Variants in GRIA2 observed in about 807,000 individuals in gnomAD.
GRIA2 encodes the protein glutamate receptor 2.
Under a neutral mutation model 97.3 loss-of-function variants are expected in GRIA2, and 14 were observed. The observed-to-expected ratio is 0.14, with a 90% CI of 0.10 to 0.23. The LOEUF is 0.23. GRIA2 is among the 10% of genes least tolerant of loss of function. The probability of loss-of-function intolerance (pLI) is 1.00; values close to 1 mark genes in which losing one functional copy is unlikely to be tolerated. For missense variants in GRIA2, 558 were observed against 1,069.8 expected, an observed-to-expected ratio of 0.52 and a Z score of 6.67; for synonymous variants, 412 against 387.8, an observed-to-expected ratio of 1.06 and a Z score of -0.73.
intron 6 of GRIA2, among the ~76,000 whole-genome samples, chr4:157,322,529 A>T (rs1166291615): frequency 6.6e-6 from 1 of 152,176 alleles, no homozygotes; most frequent in Non-Finnish European, 1.5e-5. Context: ...GGGTATACAC[A>T]TGCGTGCATG....
At chr4:157,352,903 A>G (rs1344913526) in intron 12 of GRIA2, among the ~76,000 whole-genome samples, 1 of 151,882 alleles carries the variant, frequency 6.6e-6, no homozygotes, top group African/African-American at 2.4e-5. Flanking sequence ...TACTAAAAAC[A>G]CAAAAATTAG....
chr4:157,361,865 A>G lies in GRIA2; in HGVS notation c.2406+741A>G, dbSNP rs1025271430. Among the ~76,000 whole-genome samples the G allele has an allele frequency of 2.1e-4, 32 of 152,192 alleles. No individual in the cohort carries two copies. Among genetic ancestry groups the G allele is most frequent in the African/African-American group, 5.8e-4 (24 of 41,458 alleles). On this transcript the variant is annotated intron_variant, in intron 14 of 15. Transcript: ENST00000264426. The surrounding 1 kb of genome is among the most constrained non-coding windows in gnomAD (Gnocchi z 5.2). ...TTTAAATATAGTATATGCATTTAATATATTTATTTCAGTCTGTGTTCATGT... is the reference window on the plus strand; with the variant it reads ...TTTAAATATAGTATATGCATTTAATGTATTTATTTCAGTCTGTGTTCATGT...
intron 5 of GRIA2, among the ~76,000 whole-genome samples, chr4:157,319,350 C>G (rs1365090247): frequency 6.6e-6 from 1 of 152,048 alleles, no homozygotes; most frequent in African/African-American, 2.4e-5. Context: ...GGTGGCTCCT[C>G]AATTTGAGAG....
chr4:157,320,928 T>G (rs1253367503), intron 5 of GRIA2, among the ~76,000 whole-genome samples: 3 of 152,098 alleles, frequency 2.0e-5, no homozygotes, highest in Non-Finnish European at 4.4e-5. Flanking sequence ...TCTGGCTGAA[T>G]GTGAAATTGT....
At chr4:157,358,119 A>C (rs1736472581) in intron 12 of GRIA2, among the ~76,000 whole-genome samples, 1 of 152,150 alleles carries the variant, frequency 6.6e-6, no homozygotes, top group Admixed American at 6.6e-5. Flanking sequence ...ATTACAAAAA[A>C]ACTTTGAGGT....
intron 6 of GRIA2, among the ~76,000 whole-genome samples, chr4:157,327,508 T>A (rs1734856981): frequency 1.3e-5 from 2 of 152,146 alleles, no homozygotes; most frequent in African/African-American, 2.4e-5. Flanking sequence ...GTAATTTTTT[T>A]AAAGAGAAAG....
chr4:157,278,885 C>T (rs942566515), intron 2 of GRIA2, among the ~76,000 whole-genome samples: 1 of 152,022 alleles, frequency 6.6e-6, no homozygotes, highest in Non-Finnish European at 1.5e-5. Flanking sequence ...AGACTTTCCA[C>T]ATCATATTTC....
intron 2 of GRIA2, among the ~76,000 whole-genome samples, chr4:157,293,941 C>A (rs540288784): frequency 4.6e-5 from 7 of 151,810 alleles, no homozygotes; most frequent in Non-Finnish European, 8.8e-5. Context: ...TGCTAATGGC[C>A]CAGAGCATTT....
chr4:157,304,610 A>G (rs1235510274), intron 3 of GRIA2, among the ~76,000 whole-genome samples: 3 of 152,106 alleles, frequency 2.0e-5, no homozygotes, highest in African/African-American at 4.8e-5. Flanking sequence ...ATATGTTTTT[A>G]GAGAGAGTAT....
Position 157,321,515 on chromosome 4 carries a change from T to C in GRIA2, c.798T>C (p.Asp266=), listed in dbSNP as rs1410994374. The change falls in exon 6 of 16, where the codon GAT becomes GAC. Residue 266 remains aspartate, a synonymous_variant. Transcript: ENST00000264426. The part of the protein sequence containing the change: ...NVSGFQIVDY[D]DSLVSKFIER... ...CTGGATTTCAGATAGTGGACTATGA[T>C]GATTCGTTGGTATCTAAATTTATAG... The C allele has an allele frequency of 1.9e-6, 3 of 1,606,730 alleles. No individual in the cohort carries two copies. The highest frequency in any genetic ancestry group is 2.6e-6 in the Non-Finnish European group (3 of 1,173,450).
At chr4:157,358,892 A>T (rs1736511816) in intron 12 of GRIA2, among the ~76,000 whole-genome samples, 1 of 152,188 alleles carries the variant, frequency 6.6e-6, no homozygotes, top group Admixed American at 6.6e-5. Context: ...ATTCCTTAGA[A>T]TAAAAAACAA....
chr4:157,353,489 T>A (rs1330066300), intron 12 of GRIA2, among the ~76,000 whole-genome samples: 1 of 150,922 alleles, frequency 6.6e-6, no homozygotes, highest in African/African-American at 2.4e-5. Flanking sequence ...GCTAACACGA[T>A]GAAACCCCGT....
chr4:157,248,804 AT>A (rs1561009808), intron 2 of GRIA2, among the ~76,000 whole-genome samples: 10 of 137,244 alleles, frequency 7.3e-5, no homozygotes, highest in South Asian at 2.2e-4. Flanking sequence ...ATATATATAT[AT>A]ATATATATAA....
chr4:157,336,234 A>T, intron 10 of GRIA2, 143 bp from the exon 11 acceptor site: 2 of 697,758 alleles, frequency 2.9e-6, no homozygotes, highest in South Asian at 3.8e-5. Flanking sequence ...CTTTTTGTTT[A>T]TCCTTTACTG....
intron 2 of GRIA2, among the ~76,000 whole-genome samples, chr4:157,299,123 C>T (rs1288017586): frequency 6.6e-6 from 1 of 151,928 alleles, no homozygotes; most frequent in Non-Finnish European, 1.5e-5. Context: ...CTAGTAGCAG[C>T]GGAAAGGGAA....
chr4:157,348,784 A>T (rs1735875779), intron 12 of GRIA2, among the ~76,000 whole-genome samples: 1 of 152,148 alleles, frequency 6.6e-6, no homozygotes, highest in South Asian at 2.1e-4. Flanking sequence ...AAACAAACAA[A>T]ATTAGAGGCT....
intron 2 of GRIA2, among the ~76,000 whole-genome samples, chr4:157,257,091 C>T (rs1731312364): frequency 6.6e-6 from 1 of 151,964 alleles, no homozygotes; most frequent in Non-Finnish European, 1.5e-5. Flanking sequence ...GTTATGCTTT[C>T]AAAATAACCC....
intron 2 of GRIA2, among the ~76,000 whole-genome samples, chr4:157,288,834 C>A (rs1257759783): frequency 1.3e-5 from 2 of 151,542 alleles, no homozygotes; most frequent in Non-Finnish European, 2.9e-5. Context: ...TGTATAATTT[C>A]TGGATGTTTT....
At chr4:157,263,077 C>T (rs1034780877) in intron 2 of GRIA2, among the ~76,000 whole-genome samples, 2 of 151,996 alleles carry the variant, frequency 1.3e-5, no homozygotes, top group Admixed American at 6.6e-5. Context: ...AGGTAAGCTA[C>T]GAATAGCAGG....
Sources: allele counts gnomAD v4.1 joint callset (sites outside exome capture counted in the v4.1 genomes callset), GRCh38; gene constraint gnomAD v4.1.1; non-coding constraint Gnocchi (gnomAD v3.1); transcripts MANE v1.5; gene names NCBI Gene and HGNC (gene_info 2026-07-23, HGNC 2026-07-21).